The following CCSER1 variants were observed in gnomAD, a reference collection of about 807,000 sequenced individuals.
The protein encoded by CCSER1 is coiled-coil serine rich protein 1, also known as serine-rich coiled-coil domain-containing protein 1.
A neutral mutation model predicts 82.0 loss-of-function variants in CCSER1; 41 were observed. The observed-to-expected ratio is 0.50, with a 90% CI of 0.39 to 0.65. The LOEUF (loss-of-function observed/expected upper bound fraction) is 0.65, where lower values mean the gene tolerates loss of function less well. Among genes scored for constraint, CCSER1 ranks in the 30% least tolerant of loss-of-function variants. The pLI is 0.00. For missense variants in CCSER1, 1,119 were observed against 1,064.2 expected (o/e 1.05, Z -0.72); for synonymous variants, 414 against 383.9 (o/e 1.08, Z -0.92).
chr4:90,310,348 A>G (rs1735080134), intron 2 of CCSER1, among the ~76,000 whole-genome samples: 1 of 152,064 alleles, frequency 6.6e-6, no homozygotes, highest in South Asian at 2.1e-4. Flanking sequence ...TTTTGAATAT[A>G]TACCACCTGC....
chr4:91,443,660 TAAA>T (rs1755359216), intron 10 of CCSER1, among the ~76,000 whole-genome samples: 1 of 147,504 alleles, frequency 6.8e-6, no homozygotes, highest in Non-Finnish European at 1.5e-5. Flanking sequence ...ATAATAATAA[TAAA>T]ATAATAATAA....
intron 9 of CCSER1, among the ~76,000 whole-genome samples, chr4:91,052,333 T>C (rs887886973): frequency 9.2e-5 from 14 of 152,252 alleles, no homozygotes; most frequent in Admixed American, 4.6e-4. Context: ...AAAATTACTA[T>C]ATGATAAAAT....
intron 9 of CCSER1, among the ~76,000 whole-genome samples, chr4:90,927,193 TTCAA>T (rs1321610478): frequency 6.6e-6 from 1 of 152,012 alleles, no homozygotes; most frequent in Non-Finnish European, 1.5e-5. Context: ...TGACTTTAAG[TTCAA>T]GTTTTCTTTT....
chr4:91,214,122 GT>G (rs1737052261), intron 10 of CCSER1, among the ~76,000 whole-genome samples: 1 of 152,074 alleles, frequency 6.6e-6, no homozygotes, highest in African/African-American at 2.4e-5. Flanking sequence ...GATTGCCAGA[GT>G]TATTAAAGAA....
Position 91,604,649 on chromosome 4 carries a change from C to T in CCSER1, c.*5592C>T, listed in dbSNP as rs1476725728. On this transcript the variant is annotated 3_prime_UTR_variant, in exon 11 of 11. Coordinates refer to ENST00000509176, the MANE Select transcript of CCSER1 (RefSeq NM_001145065.2). ...CTTCATAGGACATTGATACAGACATCATCAAATTCCTGTTTGTATTGCCTT... is the reference window on the plus strand; with the variant it reads ...CTTCATAGGACATTGATACAGACATTATCAAATTCCTGTTTGTATTGCCTT... 6.6e-6 allele frequency: 1 copy of T among 151,904 alleles called. No individual in the cohort carries two copies. The highest frequency in any genetic ancestry group is 1.5e-5 in the Non-Finnish European group (1 of 67,902). 9.4% of individuals were successfully genotyped at this position (151,904 alleles called of 1,614,324 possible).
At position 91,007,790 on chromosome 4, in the gene CCSER1, G is replaced by A. The variant is rs766273336; in HGVS notation, c.2173-78160G>A. Among the ~76,000 whole-genome samples the A allele has an allele frequency of 2.8e-3, 427 of 150,876 alleles. 3 individuals are homozygous for A. The highest frequency in any genetic ancestry group is 4.7e-3 in the Non-Finnish European group (316 of 67,680). On this transcript the variant is annotated intron_variant, in intron 9 of 10. Transcript: ENST00000509176. The stretch of plus-strand genomic sequence containing the variant: ...TTTCCTTTTAGTAATTTTTGGTTTA[G>A]TTTGTTCTTGTTTTACTAGTTTCTT...
intron 7 of CCSER1, among the ~76,000 whole-genome samples, chr4:90,797,027 G>A (rs1016635358): frequency 2.6e-5 from 4 of 152,088 alleles, no homozygotes; most frequent in Non-Finnish European, 5.9e-5. Context: ...CTGAGTTCGT[G>A]TCTTGAAGAT....
chr4:91,158,024 C>T (rs182637857), intron 10 of CCSER1, among the ~76,000 whole-genome samples: 62 of 151,974 alleles, frequency 4.1e-4, no homozygotes, highest in African/African-American at 1.4e-3. Context: ...TTTGGTAAAA[C>T]AAAATGTTGA....
intron 8 of CCSER1, among the ~76,000 whole-genome samples, chr4:90,826,148 G>C (rs1054298125): frequency 6.6e-6 from 1 of 152,094 alleles, no homozygotes; most frequent in Non-Finnish European, 1.5e-5. Context: ...TAGCTTGTTT[G>C]GGATTTGGCT....
At chr4:91,483,085 A>G (rs981911687) in intron 10 of CCSER1, among the ~76,000 whole-genome samples, 1 of 151,318 alleles carries the variant, frequency 6.6e-6, no homozygotes, top group Admixed American at 6.6e-5. Context: ...CTAGAACTTA[A>G]AGTATAATAA....
At chr4:91,128,877 T>C (rs909730090) in intron 10 of CCSER1, among the ~76,000 whole-genome samples, 2 of 152,052 alleles carry the variant, frequency 1.3e-5, no homozygotes, top group Admixed American at 6.6e-5. Context: ...AGGGACAACA[T>C]TGGGAAATCT....
At position 90,308,449 on chromosome 4, in the gene CCSER1, C is replaced by T. The variant is rs749168936; in HGVS notation, c.165C>T (p.Ser55=). 9.2e-5 allele frequency: 149 copies of T among 1,613,744 alleles called. 2 individuals are homozygous for T. Among genetic ancestry groups the T allele is most frequent in the South Asian group, 4.3e-4 (39 of 91,080 alleles). The change falls in exon 2 of 11, where the codon AGC becomes AGT. Residue 55 remains serine, a synonymous_variant. Coordinates refer to ENST00000509176, the MANE Select transcript of CCSER1 (RefSeq NM_001145065.2). ...CCAGCACTAACTCAAGCTCAGGTAGCACAGGTAAACGGAGGAGCATATTCC... is the reference window on the plus strand; with the variant it reads ...CCAGCACTAACTCAAGCTCAGGTAGTACAGGTAAACGGAGGAGCATATTCC... ...SPSSTNSSSG[S]TGKRRSIFRT... is the part of the protein sequence containing the mutation.
chr4:90,882,206 A>C lies in CCSER1; in HGVS notation c.2095-41164A>C, dbSNP rs1721434216. ...CAACATCAAAGCAAAATGTGAATGA[A>C]AATACATCACATATATACCTAGTCA... On this transcript the variant is annotated intron_variant, in intron 8 of 10. Transcript: ENST00000509176. Among the ~76,000 whole-genome samples the C allele has an allele frequency of 2.0e-5, 3 of 152,186 alleles. No individual in the cohort carries two copies. The South Asian group carries it at 6.2e-4, about 32-fold the overall frequency.
chr4:90,314,546 C>G (rs1177968388), intron 3 of CCSER1, among the ~76,000 whole-genome samples: 1 of 151,754 alleles, frequency 6.6e-6, no homozygotes, highest in African/African-American at 2.4e-5. Context: ...TTAAATAATT[C>G]TAGTTTGAGA....
At position 90,347,976 on chromosome 4, in the gene CCSER1, G is replaced by A. The variant is rs892296372; in HGVS notation, c.1509+34929G>A. 1.3e-5 allele frequency among the ~76,000 whole-genome samples: 2 copies of A among 152,246 alleles called. 1 individual carries two copies. Among genetic ancestry groups the A allele is most frequent in the Middle Eastern group, 6.8e-3 (2 of 294 alleles). On this transcript the variant is annotated intron_variant, in intron 3 of 10. Coordinates refer to ENST00000509176, the MANE Select transcript of CCSER1 (RefSeq NM_001145065.2). ...TCATGTTCTTTGCAGGGACATAGATGGAGCTGGAGGACATTATCTTTAGCA... is the reference window on the plus strand; with the variant it reads ...TCATGTTCTTTGCAGGGACATAGATAGAGCTGGAGGACATTATCTTTAGCA...
intron 5 of CCSER1, among the ~76,000 whole-genome samples, chr4:90,567,904 C>T (rs1779599847): frequency 6.6e-6 from 1 of 152,148 alleles, no homozygotes; most frequent in South Asian, 2.1e-4. Context: ...ATTATTCCCC[C>T]CAACCTGATG....
At position 91,335,308 on chromosome 4, in the gene CCSER1, T is replaced by C. The variant is rs181705495; in HGVS notation, c.2217+249314T>C. Among the ~76,000 whole-genome samples, 16 of 152,142 alleles carry C rather than the reference T, an allele frequency of 1.1e-4. No homozygotes were observed. The East Asian group carries it at 2.9e-3, about 28-fold the overall frequency. On this transcript the variant is annotated intron_variant, in intron 10 of 10. Transcript: ENST00000509176. ...CCACGCTATCACAGACTAAGCAGGA[T>C]GGAGAAAGGCATACCTCCTACCCTG... is the stretch of plus-strand genomic sequence containing the variant.
chr4:90,972,579 T>C (rs1735215901), intron 9 of CCSER1, among the ~76,000 whole-genome samples: 1 of 151,754 alleles, frequency 6.6e-6, no homozygotes, highest in Non-Finnish European at 1.5e-5. Context: ...AATAATATTC[T>C]TAAAATACCT....
intron 10 of CCSER1, among the ~76,000 whole-genome samples, chr4:91,131,924 T>C (rs913832699): frequency 6.6e-6 from 1 of 151,902 alleles, no homozygotes; most frequent in Admixed American, 6.6e-5. Flanking sequence ...GGATGAATCA[T>C]CGAAAATCTC....
Sources: allele counts gnomAD v4.1 joint callset (sites outside exome capture counted in the v4.1 genomes callset), GRCh38; gene constraint gnomAD v4.1.1; transcripts MANE v1.5; gene names NCBI Gene and HGNC (gene_info 2026-07-23, HGNC 2026-07-21).